AFF2: variants seen among roughly 807,000 people sequenced by gnomAD.
AFF2 encodes AF4/FMR2 family member 2.
A neutral mutation model predicts 76.9 loss-of-function variants in AFF2; 14 were observed. The observed-to-expected ratio is 0.18, with a 90% confidence interval of 0.12 to 0.28. AFF2 has a LOEUF of 0.28. Among genes scored for constraint, AFF2 ranks in the 10% least tolerant of loss-of-function variants. AFF2 has a pLI of 1.00. For synonymous variants in AFF2, 398 were observed against 366.7 expected (o/e 1.09, Z -0.98); for missense variants, 868 against 1,001.1 (o/e 0.87, Z 1.79).
chrX:148,546,847 C>T (rs1334228945), intron 1 of AFF2: 2 of 111,864 alleles, frequency 1.8e-5, no homozygotes, highest in Non-Finnish European at 3.8e-5. Context: ...TATGATACTG[C>T]TTTGTATTTG....
chrX:148,784,593 TCTCA>T (rs1557269342), intron 3 of AFF2, among the ~76,000 whole-genome samples: 1 of 111,510 alleles, frequency 9.0e-6, no homozygotes, highest in African/African-American at 3.3e-5. Context: ...ATGAGATAGT[TCTCA>T]CTGAGTACTG....
chrX:148,994,112 C>G lies in AFF2; in HGVS notation c.*2780C>G, dbSNP rs978512515. On this transcript the variant is annotated 3_prime_UTR_variant, in exon 21 of 21. Transcript: ENST00000370460. ...TTGGTGAGACACACTTAAATAAGCA[C>G]GTGGAGGTTAGAATAGAGGGCAGAG... 9.0e-6 allele frequency: 1 copy of G among 111,005 alleles called. No homozygotes were observed. Among genetic ancestry groups the G allele is most frequent in the African/African-American group, 3.3e-5 (1 of 30,323 alleles). 9.1% of individuals were successfully genotyped at this position (111,005 alleles called of 1,213,427 possible). A position where few individuals can be genotyped will look rare whatever the true frequency, so the allele number is the denominator to read the frequency against.
chrX:148,537,674 T>C (rs1569550934), intron 1 of AFF2, among the ~76,000 whole-genome samples: 2 of 110,762 alleles, frequency 1.8e-5, no homozygotes, highest in African/African-American at 6.6e-5. Flanking sequence ...CGAGATCCAT[T>C]CACTGTCAAT....
intron 3 of AFF2, among the ~76,000 whole-genome samples, chrX:148,722,962 G>T (rs1476088225): frequency 9.0e-6 from 1 of 111,193 alleles, no homozygotes; most frequent in Non-Finnish European, 1.9e-5. Flanking sequence ...TTGATCTAGT[G>T]TCTAGTCTGA....
At chrX:148,577,631 T>G (rs1344235000) in intron 1 of AFF2, among the ~76,000 whole-genome samples, 2 of 112,163 alleles carry the variant, frequency 1.8e-5, no homozygotes, top group Non-Finnish European at 3.8e-5. Flanking sequence ...AAAATTGTCT[T>G]TCTTACAGAA....
chrX:148,742,571 G>A (rs887475275), intron 3 of AFF2, among the ~76,000 whole-genome samples: 8 of 105,314 alleles, frequency 7.6e-5, no homozygotes, highest in Non-Finnish European at 1.4e-4. Flanking sequence ...CTGCATCAGA[G>A]TCAGAATCCA....
In AFF2 at chrX:148,533,231, T is replaced by C. The variant is rs976147806; in HGVS notation, c.47+32087T>C. 4.5e-5 allele frequency among the ~76,000 whole-genome samples: 5 copies of C among 112,138 alleles called. No homozygotes were observed. In the South Asian group the frequency reaches 1.5e-3, roughly 33 times the overall value. ...GTGCATAAATTATGATTCACAAATA[T>C]AGTAATGGCTTTAAGGTTGAAATAT... On this transcript the variant is annotated intron_variant, in intron 1 of 20. Coordinates refer to ENST00000370460, the MANE Select transcript of AFF2 (RefSeq NM_002025.4).
At chrX:148,899,913 T>C (rs2071335807) in intron 8 of AFF2, among the ~76,000 whole-genome samples, 1 of 110,576 alleles carries the variant, frequency 9.0e-6, no homozygotes, top group Admixed American at 9.6e-5. Flanking sequence ...AGAGCATGCT[T>C]CTTATAACCC....
chrX:148,708,874 A>G (rs782026173), intron 3 of AFF2, among the ~76,000 whole-genome samples: 2 of 112,056 alleles, frequency 1.8e-5, no homozygotes, highest in East Asian at 2.8e-4. Context: ...AAATTACTAT[A>G]TATTTTACCG....
chrX:148,884,994 T>A (rs1557278905), intron 7 of AFF2, among the ~76,000 whole-genome samples: 1 of 111,631 alleles, frequency 9.0e-6, no homozygotes, highest in Non-Finnish European at 1.9e-5. Flanking sequence ...GCTGAGACTG[T>A]CCCTTCTTGA....
chrX:148,907,197 G>T (rs1312913247), intron 9 of AFF2, among the ~76,000 whole-genome samples: 2 of 112,237 alleles, frequency 1.8e-5, no homozygotes, highest in Admixed American at 1.9e-4. Flanking sequence ...ACTCCAAATA[G>T]AGTAAAGGTT....
intron 3 of AFF2, among the ~76,000 whole-genome samples, chrX:148,701,681 C>G (rs1557261893): frequency 2.7e-5 from 3 of 112,318 alleles, no homozygotes; most frequent in African/African-American, 9.7e-5. Flanking sequence ...TTCAGTGCAT[C>G]TTTATTGGGA....
In AFF2 at chrX:148,994,530, C is replaced by G. The variant is rs1371245342; in HGVS notation, c.*3198C>G. 8.9e-6 allele frequency: 1 copy of G among 111,989 alleles called. No homozygotes were observed. Among genetic ancestry groups the G allele is most frequent in the Non-Finnish European group, 1.9e-5 (1 of 53,244 alleles). The allele number at this position is 111,989 out of a possible 1,213,427, so 9.2% of individuals were successfully genotyped here. ...ATTAGCTGCTACTACTTTTAAAAGACTTAAGGTCGGGATGCCTTTTTTTCC... is the reference window on the plus strand; with the variant it reads ...ATTAGCTGCTACTACTTTTAAAAGAGTTAAGGTCGGGATGCCTTTTTTTCC... On this transcript the variant is annotated 3_prime_UTR_variant, in exon 21 of 21. Coordinates refer to ENST00000370460, the MANE Select transcript of AFF2 (RefSeq NM_002025.4).
chrX:148,751,583 T>C (rs1161334863), intron 3 of AFF2, among the ~76,000 whole-genome samples: 1 of 112,033 alleles, frequency 8.9e-6, no homozygotes, highest in Non-Finnish European at 1.9e-5. Flanking sequence ...AAGCAACCTC[T>C]AGTAGACAGG....
chrX:148,705,626 T>G, intron 3 of AFF2, among the ~76,000 whole-genome samples: 1 of 111,964 alleles, frequency 8.9e-6, no homozygotes, highest in Non-Finnish European at 1.9e-5. Flanking sequence ...ATCATATATC[T>G]GACAGTCTGT....
intron 1 of AFF2, among the ~76,000 whole-genome samples, chrX:148,597,258 G>T (rs1252083910): frequency 1.8e-5 from 2 of 111,271 alleles, no homozygotes; most frequent in African/African-American, 3.3e-5. Flanking sequence ...CCTATGAGGT[G>T]GTGGAGGAGC....
At chrX:148,919,180 G>A (rs2071564277) in intron 9 of AFF2, among the ~76,000 whole-genome samples, 1 of 111,287 alleles carries the variant, frequency 9.0e-6, no homozygotes, top group Non-Finnish European at 1.9e-5. Flanking sequence ...CCAAGATTCG[G>A]CACTGACACA....
chrX:148,573,953 T>C lies in AFF2; in HGVS notation c.47+72809T>C, dbSNP rs1394816485. Among the ~76,000 whole-genome samples, 18 of 110,643 alleles carry C rather than the reference T, an allele frequency of 1.6e-4. No individual in the cohort carries two copies. In the Admixed American group the frequency reaches 1.6e-3, roughly 10 times the overall value. Reference sequence around the variant, plus strand: ...AAATTAAAAATCTTGGAGCTGGATTTTTTCACCCTTAGCATCGTGTACTCT... The same window carrying C: ...AAATTAAAAATCTTGGAGCTGGATTCTTTCACCCTTAGCATCGTGTACTCT... On this transcript the variant is annotated intron_variant, in intron 1 of 20. Transcript: ENST00000370460.
intron 9 of AFF2, among the ~76,000 whole-genome samples, chrX:148,912,303 G>C (rs782086360): frequency 1.8e-5 from 2 of 111,733 alleles, no homozygotes; most frequent in Non-Finnish European, 3.8e-5. Context: ...CCCCCCATCA[G>C]GCCCTGGTGT....
Sources: allele counts gnomAD v4.1 joint callset (sites outside exome capture counted in the v4.1 genomes callset), GRCh38; gene constraint gnomAD v4.1.1; transcripts MANE v1.5; gene names NCBI Gene and HGNC (gene_info 2026-07-23, HGNC 2026-07-21).